The following CSMD1 variants were observed in gnomAD, a reference collection of about 807,000 sequenced individuals.
CSMD1 encodes CUB and sushi domain-containing protein 1.
In CSMD1, 213 loss-of-function variants were observed where a neutral mutation model predicts 417.5. That is an observed-to-expected ratio of 0.51 (90% CI 0.46 to 0.57). The LOEUF is 0.57. CSMD1 is among the 20% of genes least tolerant of loss of function. The pLI is 0.00. For missense variants in CSMD1, 6,923 were observed against 4,529.7 expected, an observed-to-expected ratio of 1.53 and a Z score of -15.17; for synonymous variants, 2,862 against 1,736.8, an observed-to-expected ratio of 1.65 and a Z score of -16.11.
At chr8:3,526,981 G>A (rs1797780006) in intron 10 of CSMD1, among the ~76,000 whole-genome samples, 1 of 152,008 alleles carries the variant, frequency 6.6e-6, no homozygotes, top group Non-Finnish European at 1.5e-5. Context: ...CCTCTGGAGG[G>A]TGGGGCTATA....
intron 5 of CSMD1, among the ~76,000 whole-genome samples, chr8:3,917,649 C>T (rs914066598): frequency 2.0e-5 from 3 of 152,004 alleles, no homozygotes; most frequent in South Asian, 2.1e-4. Flanking sequence ...TATTATGGTA[C>T]GACTAACATG....
At chr8:4,953,988 G>T (rs983461417) in intron 1 of CSMD1, among the ~76,000 whole-genome samples, 2 of 152,066 alleles carry the variant, frequency 1.3e-5, no homozygotes, top group African/African-American at 4.8e-5. Flanking sequence ...GAGATTACCA[G>T]AAACACAGCA....
chr8:4,200,201 G>A (rs903495440), intron 3 of CSMD1, among the ~76,000 whole-genome samples: 13 of 152,110 alleles, frequency 8.5e-5, no homozygotes, highest in South Asian at 8.3e-4. Flanking sequence ...CCAGTTAAAT[G>A]TTATGTTATG....
At chr8:3,736,156 G>A (rs754165871) in intron 6 of CSMD1, among the ~76,000 whole-genome samples, 7 of 152,058 alleles carry the variant, frequency 4.6e-5, no homozygotes, top group Admixed American at 6.5e-5. Context: ...CCCTGTAATC[G>A]CATCACATCT....
intron 23 of CSMD1, among the ~76,000 whole-genome samples, chr8:3,336,608 T>C (rs1044090205): frequency 9.2e-5 from 14 of 152,190 alleles, no homozygotes; most frequent in African/African-American, 3.4e-4. Flanking sequence ...TTGTCTCACT[T>C]TACCACAGAG....
chr8:4,361,117 T>C (rs1183038828), intron 3 of CSMD1, among the ~76,000 whole-genome samples: 1 of 152,182 alleles, frequency 6.6e-6, no homozygotes, highest in Non-Finnish European at 1.5e-5. Context: ...GATGCTGAAA[T>C]AGTCACTGAA....
At chr8:3,558,437 C>A (rs1563152447) in intron 10 of CSMD1, among the ~76,000 whole-genome samples, 2 of 150,282 alleles carry the variant, frequency 1.3e-5, no homozygotes, top group Non-Finnish European at 3.0e-5. Flanking sequence ...CCCGTGTCCA[C>A]TCCTGCAATG....
chr8:3,030,858 T>A (rs565269178), intron 50 of CSMD1, among the ~76,000 whole-genome samples: 2 of 152,170 alleles, frequency 1.3e-5, no homozygotes, highest in South Asian at 2.1e-4. Context: ...TCTTGATTAG[T>A]CTTTTCTCAG....
At chr8:4,671,625 A>G (rs968931711) in intron 1 of CSMD1, among the ~76,000 whole-genome samples, 1 of 152,206 alleles carries the variant, frequency 6.6e-6, no homozygotes, top group Non-Finnish European at 1.5e-5. Context: ...CTCTCAGCAC[A>G]GAGAGCTTCA....
intron 1 of CSMD1, among the ~76,000 whole-genome samples, chr8:4,986,143 A>T (rs1189598491): frequency 6.6e-6 from 1 of 152,234 alleles, no homozygotes; most frequent in East Asian, 1.9e-4. Flanking sequence ...CATAAGGCCC[A>T]TCCTTTGAGA....
At chr8:4,016,542 A>G (rs1197998363) in intron 4 of CSMD1, among the ~76,000 whole-genome samples, 2 of 152,098 alleles carry the variant, frequency 1.3e-5, no homozygotes, top group Non-Finnish European at 2.9e-5. Flanking sequence ...TATGAGAAGG[A>G]AAGAGGAGAA....
At chr8:3,900,879 G>A (rs1342903175) in intron 5 of CSMD1, among the ~76,000 whole-genome samples, 2 of 152,208 alleles carry the variant, frequency 1.3e-5, no homozygotes, top group East Asian at 3.8e-4. Context: ...TGCATGCCGT[G>A]CTCAGGCGTT....
chr8:3,460,150 C>T (rs4875710), intron 12 of CSMD1, among the ~76,000 whole-genome samples: 8,889 of 152,120 alleles, frequency 0.058, 306 homozygotes, highest in East Asian at 0.17. Context: ...GATTGTGTAG[C>T]AGCAAATCAC....
At chr8:3,877,910 T>C (rs879781055) in intron 5 of CSMD1, among the ~76,000 whole-genome samples, 2 of 150,926 alleles carry the variant, frequency 1.3e-5, no homozygotes, top group Non-Finnish European at 2.9e-5. Context: ...AAGTAAATCA[T>C]TTTATAGGTC....
chr8:3,087,431 G>C (rs1814621773), intron 48 of CSMD1, 146 bp from the exon 49 acceptor site: 1 of 812,330 alleles, frequency 1.2e-6, no homozygotes, highest in Non-Finnish European at 1.9e-6. Flanking sequence ...GTTCTAAAGA[G>C]CATTCCAAAA....
At chr8:4,235,233 G>A (rs1047018621) in intron 3 of CSMD1, among the ~76,000 whole-genome samples, 2 of 151,962 alleles carry the variant, frequency 1.3e-5, no homozygotes, top group Non-Finnish European at 1.5e-5. Context: ...AAAAGAAAAC[G>A]AACAACATCA....
chr8:3,866,798 C>G (rs1805136194), intron 5 of CSMD1, among the ~76,000 whole-genome samples: 1 of 152,156 alleles, frequency 6.6e-6, no homozygotes, highest in African/African-American at 2.4e-5. Flanking sequence ...TAACGGCTCA[C>G]AAATCCTTAA....
intron 7 of CSMD1, among the ~76,000 whole-genome samples, chr8:3,693,832 T>C (rs1394482987): frequency 6.6e-6 from 1 of 150,662 alleles, no homozygotes; most frequent in Non-Finnish European, 1.5e-5. Context: ...ATGGTGTGTG[T>C]GTTGTGTGTG....
chr8:4,794,062 G>A (rs535122147), intron 1 of CSMD1, among the ~76,000 whole-genome samples: 3 of 152,064 alleles, frequency 2.0e-5, no homozygotes, highest in East Asian at 1.9e-4. Context: ...TTGCCTTAAG[G>A]TTGGATTTAT....
Sources: allele counts gnomAD v4.1 joint callset (sites outside exome capture counted in the v4.1 genomes callset), GRCh38; gene constraint gnomAD v4.1.1; transcripts MANE v1.5; gene names NCBI Gene and HGNC (gene_info 2026-07-23, HGNC 2026-07-21).